Variants in MAU2 observed in about 807,000 individuals in gnomAD.
The protein encoded by MAU2 is MAU2 chromatid cohesion factor homolog.
A neutral mutation model predicts 89.1 loss-of-function variants in MAU2; 9 were observed. The ratio of observed to expected loss-of-function variants is 0.10; its 90% CI spans 0.06 to 0.18. MAU2 has a LOEUF of 0.18. MAU2 is among the 10% of genes least tolerant of loss of function. The probability of loss-of-function intolerance (pLI) is 1.00; values close to 1 mark genes in which losing one functional copy is unlikely to be tolerated. For synonymous variants in MAU2, 357 were observed against 343.4 expected (o/e 1.04, Z -0.44); for missense variants, 425 against 803.5 (o/e 0.53, Z 5.69).
chr19:19,355,949 GCCGTTCCCACC>G lies in MAU2; in HGVS notation c.*168_*178del. 1 of 733,966 alleles carries G rather than the reference GCCGTTCCCACC, an allele frequency of 1.4e-6. No homozygotes were observed. Among genetic ancestry groups the G allele is most frequent in the South Asian group, 1.5e-5 (1 of 68,272 alleles). The allele number at this position is 733,966 out of a possible 1,614,324, so 45.5% of individuals were successfully genotyped here. ...CCCTGCCCTCCCAGGAGGGGTGGTA[GCCGTTCCCACC>G]TCGCAGCAGGACCCCCAGTGCAGAG... On this transcript the variant is annotated 3_prime_UTR_variant, in exon 19 of 19. Coordinates refer to ENST00000262815, the MANE Select transcript of MAU2 (RefSeq NM_015329.4).
In MAU2 at chr19:19,326,689, AAAATATATATATGTATATAT is replaced by A. The variant is rs1599888890; in HGVS notation, c.276+5556_276+5575del. Among the ~76,000 whole-genome samples, 12 of 44,556 alleles carry A rather than the reference AAAATATATATATGTATATAT, an allele frequency of 2.7e-4. 1 individual carries two copies. Among genetic ancestry groups the A allele is most frequent in the South Asian group, 1.3e-3 (2 of 1,572 alleles). The allele number at this position is 44,556 out of a possible 152,430, so 29.2% of individuals were successfully genotyped here. A position where few individuals can be genotyped will look rare whatever the true frequency, so the allele number is the denominator to read the frequency against. ...CGAAAGAGCGAGACTGTCTCAAAAA[AAAATATATATATGTATATAT>A]ATATATATATACATATATATATATA... On this transcript the variant is annotated intron_variant, in intron 1 of 18. Transcript: ENST00000262815.
chr19:19,330,079 A>G, intron 1 of MAU2, among the ~76,000 whole-genome samples: 1 of 151,752 alleles, frequency 6.6e-6, no homozygotes. Context: ...TCCTGGGCTC[A>G]TGTGGTTCTT....
At chr19:19,340,095 G>A (rs1283856323) in intron 5 of MAU2, among the ~76,000 whole-genome samples, 5 of 151,510 alleles carry the variant, frequency 3.3e-5, no homozygotes, top group East Asian at 2.0e-4. Context: ...AACCCAGGAC[G>A]CGGAGGTTGC....
rs943094395 is a variant in MAU2, at chr19:19,357,395, TCCTC to T, written c.*1616_*1619del. The T allele has an allele frequency of 3.3e-5, 5 of 152,256 alleles. No homozygotes were observed. The highest frequency in any genetic ancestry group is 1.2e-4 in the African/African-American group (5 of 41,336). The allele number at this position is 152,256 out of a possible 1,614,324, so 9.4% of individuals were successfully genotyped here. Reference sequence around the variant, plus strand: ...CCCACAAACTGTCCCTGTCCTGTCTTCCTCCCGAGCCATGGCCTCTGCTAGCTCC... The same window carrying T: ...CCCACAAACTGTCCCTGTCCTGTCTTCCGAGCCATGGCCTCTGCTAGCTCC... On this transcript the variant is annotated 3_prime_UTR_variant, in exon 19 of 19. Transcript: ENST00000262815.
chr19:19,349,528 C>A, intron 16 of MAU2, 92 bp downstream of exon 16: 1 of 1,085,156 alleles, frequency 9.2e-7, no homozygotes, highest in Non-Finnish European at 1.4e-6. Context: ...TGGCATGGCA[C>A]TGTTCATCCT....
At chr19:19,346,442 A>G (rs756321597) in intron 12 of MAU2, among the ~76,000 whole-genome samples, 1 of 152,066 alleles carries the variant, frequency 6.6e-6, no homozygotes, top group Non-Finnish European at 1.5e-5. Context: ...TTCATGGCCC[A>G]CCCAGGAGTG....
In MAU2 at chr19:19,357,666, T is replaced by A. The variant is rs1218802379; in HGVS notation, c.*1884T>A. The A allele has an allele frequency of 6.6e-6, 1 of 152,474 alleles. No homozygotes were observed. Among genetic ancestry groups the A allele is most frequent in the African/African-American group, 2.4e-5 (1 of 41,412 alleles). The allele number at this position is 152,474 out of a possible 1,614,324, so 9.4% of individuals were successfully genotyped here. ...CAGAACTTAACATCTGTCCTGATGT[T>A]AAAGTGCTTTTCATGACCACCCTGT... On this transcript the variant is annotated 3_prime_UTR_variant, in exon 19 of 19. Transcript: ENST00000262815.
At chr19:19,348,812 C>A in intron 13 of MAU2, 77 bp from the exon 14 acceptor site, 1 of 1,480,014 alleles carries the variant, frequency 6.8e-7, no homozygotes, top group South Asian at 1.1e-5. Flanking sequence ...GAGAAATTCC[C>A]ATGCACTGCA....
intron 1 of MAU2, among the ~76,000 whole-genome samples, chr19:19,326,942 T>C (rs1206465135): frequency 4.1e-4 from 62 of 150,980 alleles, no homozygotes; most frequent in Non-Finnish European, 2.9e-5. Flanking sequence ...TATGTCTTCC[T>C]TTCCTCAGCA....
intron 13 of MAU2, 102 bp from the exon 14 acceptor site, chr19:19,348,787 C>T (rs2061716272): frequency 4.6e-6 from 6 of 1,294,056 alleles, no homozygotes; most frequent in Non-Finnish European, 6.7e-6. Context: ...AGGCCACAGT[C>T]CCGACGGGGG....
intron 16 of MAU2, chr19:19,353,527 C>T (rs1337910103): frequency 6.6e-6 from 1 of 152,280 alleles, no homozygotes; most frequent in East Asian, 1.9e-4. Flanking sequence ...CTGGTGGCGT[C>T]AAAGCCAGGT....
intron 1 of MAU2, among the ~76,000 whole-genome samples, chr19:19,333,357 G>A (rs1440074291): frequency 6.6e-6 from 1 of 152,140 alleles, no homozygotes; most frequent in South Asian, 2.1e-4. Flanking sequence ...GTGGTGGTTC[G>A]CACCAGTAGT....
intron 16 of MAU2, among the ~76,000 whole-genome samples, chr19:19,350,638 C>T (rs559954061): frequency 4.0e-5 from 6 of 150,282 alleles, no homozygotes; most frequent in Non-Finnish European, 7.4e-5. Context: ...TGGTGGCTCA[C>T]GCCTGTAATC....
rs1234480555 is a variant in MAU2 at position 19,335,725 on chromosome 19, T to C, written c.284T>C (p.Ile95Thr). ...GTTTTCTTTCTTTTTCAGTGGTTGA[T>C]ATCACAGCAAGTATCCTTTCCGTGT... ...ARSHLEKAWL[I>T]SQQIPQFEDV... The change falls in exon 2 of 19, where the codon ATA (isoleucine) becomes ACA (threonine). Residue 95 changes from isoleucine to threonine, a missense_variant. Ile to Thr is a moderately conservative substitution (Grantham distance 89). Coordinates refer to ENST00000262815, the MANE Select transcript of MAU2 (RefSeq NM_015329.4). 1 of 1,614,194 alleles carries C rather than the reference T, an allele frequency of 6.2e-7. No individual in the cohort carries two copies. Among genetic ancestry groups the C allele is most frequent in the East Asian group, 2.2e-5 (1 of 44,894 alleles).
Position 19,355,926 on chromosome 19 carries a change from C to T in MAU2, c.*144C>T, listed in dbSNP as rs750373900. 1.8e-5 allele frequency: 15 copies of T among 827,202 alleles called. No homozygotes were observed. In the African/African-American group the frequency reaches 2.3e-4, roughly 13 times the overall value. 51.2% of individuals were successfully genotyped at this position (827,202 alleles called of 1,614,324 possible). ...TCCTGGGAATGTGCGGGGCCAGTCCCTGCCCTCCCAGGAGGGGTGGTAGCC... is the reference window on the plus strand; with the variant it reads ...TCCTGGGAATGTGCGGGGCCAGTCCTTGCCCTCCCAGGAGGGGTGGTAGCC... On this transcript the variant is annotated 3_prime_UTR_variant, in exon 19 of 19. Transcript: ENST00000262815.
At chr19:19,321,464 G>T (rs1354884200) in intron 1 of MAU2, 3 of 278,090 alleles carry the variant, frequency 1.1e-5, no homozygotes. Context: ...ACCTGTTGGT[G>T]GCGATGGGGA....
Position 19,355,877 on chromosome 19 carries a change from C to T in MAU2, c.*95C>T. ...CCTGCCCCCGAGGCGTGCTTCCTTC[C>T]TGATTGTCTCTAGAGCTTCCAAGTC... is the stretch of plus-strand genomic sequence containing the variant. On this transcript the variant is annotated 3_prime_UTR_variant, in exon 19 of 19. Transcript: ENST00000262815. The T allele has an allele frequency of 1.7e-6, 2 of 1,166,410 alleles. No homozygotes were observed. The highest frequency in any genetic ancestry group is 2.5e-6 in the Non-Finnish European group (2 of 788,082). The allele number at this position is 1,166,410 out of a possible 1,614,324, so 72.3% of individuals were successfully genotyped here.
chr19:19,326,294 T>C lies in MAU2; in HGVS notation c.276+5159T>C, dbSNP rs568425163. Among the ~76,000 whole-genome samples, 17 of 152,168 alleles carry C rather than the reference T, an allele frequency of 1.1e-4. 1 individual carries two copies. Among genetic ancestry groups the C allele is most frequent in the African/African-American group, 4.1e-4 (17 of 41,522 alleles). On this transcript the variant is annotated intron_variant, in intron 1 of 18. Coordinates refer to ENST00000262815, the MANE Select transcript of MAU2 (RefSeq NM_015329.4). ...CAGGCCAGGTGTGGTGGCTCACACC[T>C]GCAATCCCAAGACTTTGTGAGGCCA...
chr19:19,330,492 G>C (rs553962489), intron 1 of MAU2, among the ~76,000 whole-genome samples: 2 of 152,298 alleles, frequency 1.3e-5, no homozygotes, highest in South Asian at 4.1e-4. Flanking sequence ...TGTAATCCCA[G>C]CACTTTGGGA....
Sources: gnomAD v4.1 joint callset for allele counts (sites outside exome capture counted in the v4.1 genomes callset) on GRCh38, gnomAD v4.1.1 for gene constraint, MANE v1.5 for transcripts, NCBI Gene and HGNC (gene_info 2026-07-23, HGNC 2026-07-21) for gene names.